AFF2: variants seen among roughly 807,000 people sequenced by gnomAD.
The protein encoded by AFF2 is AF4/FMR2 family member 2.
AFF2 carries 14 observed loss-of-function variants against 76.9 expected under a neutral mutation model. The observed-to-expected ratio is 0.18, with a 90% CI of 0.12 to 0.28. The LOEUF (loss-of-function observed/expected upper bound fraction) is 0.28, where lower values mean the gene tolerates loss of function less well. AFF2 is among the 10% of genes least tolerant of loss of function. The probability of loss-of-function intolerance (pLI) is 1.00; values close to 1 mark genes in which losing one functional copy is unlikely to be tolerated. For synonymous variants in AFF2, 398 were observed against 366.7 expected, an observed-to-expected ratio of 1.09 and a Z score of -0.98; for missense variants, 868 against 1,001.1, an observed-to-expected ratio of 0.87 and a Z score of 1.79.
At chrX:148,920,811 G>A (rs1390167153) in intron 9 of AFF2, among the ~76,000 whole-genome samples, 3 of 111,228 alleles carry the variant, frequency 2.7e-5, no homozygotes, top group African/African-American at 9.8e-5. Context: ...GAAGCTTTTT[G>A]CCTATGGAAT....
At chrX:148,829,503 C>T (rs958617550) in intron 4 of AFF2, among the ~76,000 whole-genome samples, 6 of 111,768 alleles carry the variant, frequency 5.4e-5, no homozygotes, top group African/African-American at 2.0e-4. Context: ...CACTGTGAGA[C>T]AATAGGCTCC....
At chrX:148,881,781 A>G (rs1458753211) in intron 7 of AFF2, among the ~76,000 whole-genome samples, 1 of 111,380 alleles carries the variant, frequency 9.0e-6, no homozygotes, top group East Asian at 2.8e-4. Flanking sequence ...AACAATATCA[A>G]TAGTAACCAA....
At chrX:148,540,349 G>A (rs1239681129) in intron 1 of AFF2, among the ~76,000 whole-genome samples, 2 of 109,276 alleles carry the variant, frequency 1.8e-5, no homozygotes, top group Non-Finnish European at 3.8e-5. Flanking sequence ...AGGCCAGAGG[G>A]GGAAAGATAA....
At chrX:148,849,473 T>C (rs1423652263) in intron 7 of AFF2, among the ~76,000 whole-genome samples, 2 of 97,728 alleles carry the variant, frequency 2.0e-5, no homozygotes, top group East Asian at 3.8e-4. Flanking sequence ...ATTTTTTTTT[T>C]CAACAAATAT....
rs1557292247 is a variant in AFF2 at position 148,991,340 on chromosome X, T to C, written c.*8T>C. The C allele has an allele frequency of 8.4e-7, 1 of 1,194,613 alleles. No individual in the cohort carries two copies. The highest frequency in any genetic ancestry group is 1.9e-5 in the South Asian group (1 of 53,797). ...GATGCCCACTTGTTGTAGTGGGTGT[T>C]CTCAGATCTCTAGCATCACGACCCA... On this transcript the variant is annotated 3_prime_UTR_variant, in exon 21 of 21. Transcript: ENST00000370460.
chrX:148,535,246 C>A (rs782539312), intron 1 of AFF2, among the ~76,000 whole-genome samples: 5 of 112,224 alleles, frequency 4.5e-5, no homozygotes, highest in Non-Finnish European at 1.9e-5. Context: ...AATCCAAACT[C>A]TTGAGGCTGA....
At chrX:148,843,034 A>G (rs1557274401) in intron 6 of AFF2, 32 bp downstream of exon 6, 1 of 1,152,347 alleles carries the variant, frequency 8.7e-7, no homozygotes. Context: ...TCTTAGTCCA[A>G]ACATCCATGT....
intron 1 of AFF2, among the ~76,000 whole-genome samples, chrX:148,585,335 T>G (rs904805311): frequency 1.1e-4 from 12 of 111,994 alleles, no homozygotes; most frequent in African/African-American, 3.9e-4. Flanking sequence ...CCTACAATTG[T>G]GATCAAGTCA....
At chrX:148,828,927 G>T (rs1408263133) in intron 4 of AFF2, among the ~76,000 whole-genome samples, 4 of 111,924 alleles carry the variant, frequency 3.6e-5, no homozygotes, top group Non-Finnish European at 7.5e-5. Context: ...CTTCCCAATT[G>T]TACATTATAA....
At chrX:148,875,287 C>T (rs1319468261) in intron 7 of AFF2, among the ~76,000 whole-genome samples, 1 of 112,346 alleles carries the variant, frequency 8.9e-6, no homozygotes, top group South Asian at 3.7e-4. Context: ...ATAAAGCTTG[C>T]AGACAATTGT....
chrX:148,982,484 G>A (rs918432125), intron 19 of AFF2, among the ~76,000 whole-genome samples: 7 of 111,814 alleles, frequency 6.3e-5, no homozygotes, highest in Non-Finnish European at 1.1e-4. Context: ...GCCTCCCTGC[G>A]TGACCAGGAA....
chrX:148,684,063 T>A (rs112557888), intron 3 of AFF2, among the ~76,000 whole-genome samples: 5,216 of 111,631 alleles, frequency 0.047, 317 homozygotes, highest in African/African-American at 0.16. Context: ...TTTAAATGAA[T>A]TAGATCTATG....
At chrX:148,742,933 T>C (rs1318725983) in intron 3 of AFF2, among the ~76,000 whole-genome samples, 1 of 111,773 alleles carries the variant, frequency 8.9e-6, no homozygotes, top group Non-Finnish European at 1.9e-5. Flanking sequence ...TATTTGTTTA[T>C]GTAAAACTTG....
chrX:148,517,045 T>C (rs1314923403), intron 1 of AFF2, among the ~76,000 whole-genome samples: 1 of 112,114 alleles, frequency 8.9e-6, no homozygotes, highest in Non-Finnish European at 1.9e-5. Flanking sequence ...ATTCATTCAT[T>C]CGTTCATTCA....
chrX:148,921,060 C>T (rs999162200), intron 9 of AFF2, among the ~76,000 whole-genome samples: 6 of 111,402 alleles, frequency 5.4e-5, no homozygotes, highest in Admixed American at 3.8e-4. Flanking sequence ...AGCAGGGAGT[C>T]TTTAAGCCAC....
chrX:148,592,761 C>A (rs2053535652), intron 1 of AFF2, among the ~76,000 whole-genome samples: 1 of 111,750 alleles, frequency 8.9e-6, no homozygotes. Context: ...GGGTTAGGCC[C>A]TGAGGCACGT....
At chrX:148,565,560 A>G (rs1400306799) in intron 1 of AFF2, among the ~76,000 whole-genome samples, 1 of 111,541 alleles carries the variant, frequency 9.0e-6, no homozygotes, top group Non-Finnish European at 1.9e-5. Context: ...GATAAAAATA[A>G]ATTTCATACT....
At chrX:148,890,349 G>A (rs928577185) in intron 8 of AFF2, among the ~76,000 whole-genome samples, 1 of 112,046 alleles carries the variant, frequency 8.9e-6, no homozygotes, top group Non-Finnish European at 1.9e-5. Context: ...AGTACTGTAA[G>A]GATCAAGTGA....
chrX:148,705,691 TC>T (rs1248367884), intron 3 of AFF2, among the ~76,000 whole-genome samples: 1 of 111,832 alleles, frequency 8.9e-6, no homozygotes, highest in Non-Finnish European at 1.9e-5. Flanking sequence ...AGGAATGAAG[TC>T]CCCATCAACT....
Sources: gnomAD v4.1 joint callset for allele counts (sites outside exome capture counted in the v4.1 genomes callset) on GRCh38, gnomAD v4.1.1 for gene constraint, MANE v1.5 for transcripts, NCBI Gene and HGNC (gene_info 2026-07-23, HGNC 2026-07-21) for gene names.